Variants in CLIC6 observed in about 807,000 individuals in gnomAD.
CLIC6 encodes chloride intracellular channel protein 6.
A neutral mutation model predicts 49.2 loss-of-function variants in CLIC6; 39 were observed. The observed-to-expected ratio is 0.79, with a 90% CI of 0.61 to 1.04. The LOEUF (loss-of-function observed/expected upper bound fraction) is 1.04, where lower values mean the gene tolerates loss of function less well. Ranked by LOEUF, CLIC6 falls within the 50% of genes least tolerant of loss-of-function variation. CLIC6 has a pLI of 0.00. For synonymous variants in CLIC6, 446 were observed against 433.4 expected (o/e 1.03, Z -0.36); for missense variants, 988 against 993.1 (o/e 0.99, Z 0.07).
intron 1 of CLIC6, among the ~76,000 whole-genome samples, chr21:34,682,866 C>T (rs1001519068): frequency 1.8e-5 from 2 of 112,108 alleles, no homozygotes; most frequent in African/African-American, 3.4e-5. Context: ...GGTTGGAGTG[C>T]GGTGGCGCGA....
chr21:34,709,420 C>T lies in CLIC6; in HGVS notation c.1781C>T (p.Pro594Leu), dbSNP rs1294132052. ...GATAATTACTTAAATAGCCCTCTGC[C>T]TGATGAAATAGATGCCTACAGCACC... ...KLDNYLNSPL[P>L]DEIDAYSTED... Residue 594 changes from proline to leucine, a missense_variant, in exon 5 of 6, where the codon CCT (proline) becomes CTT (leucine). Transcript: ENST00000349499. 6.2e-7 allele frequency: 1 copy of T among 1,613,922 alleles called. No homozygotes were observed. The highest frequency in any genetic ancestry group is 1.3e-5 in the African/African-American group (1 of 74,912).
Position 34,670,633 on chromosome 21 carries a change from C to A in CLIC6, c.1245C>A (p.Asn415Lys). 1.3e-6 allele frequency: 2 copies of A among 1,553,212 alleles called. No homozygotes were observed. The highest frequency in any genetic ancestry group is 1.7e-6 in the Non-Finnish European group (2 of 1,150,908). ...GAAEPEAQLS[N>K]HLAEEGPAEG... is the part of the protein sequence containing the mutation. ...CGGAGCCTGAGGCCCAGCTCAGCAA[C>A]CACCTGGCCGAGGAGGGCCCCGCCG... Residue 415 changes from asparagine (N) to lysine (K), a missense_variant, in exon 1 of 6, where the codon AAC (asparagine) becomes AAA (lysine). Asn to Lys is a moderately conservative substitution (Grantham distance 94). Transcript: ENST00000349499.
chr21:34,700,088 C>A (rs1297121744), intron 1 of CLIC6, among the ~76,000 whole-genome samples: 2 of 152,090 alleles, frequency 1.3e-5, no homozygotes, highest in Non-Finnish European at 2.9e-5. Flanking sequence ...CATACCTGGC[C>A]CCCAGGTGGC....
chr21:34,670,847 G>C, intron 1 of CLIC6, 85 bp downstream of exon 1: 1 of 1,419,218 alleles, frequency 7.0e-7, no homozygotes, highest in Non-Finnish European at 9.4e-7. Context: ...GACGCGCAGG[G>C]AGGAACCCTT....
Position 34,693,091 on chromosome 21 carries a change from A to T in CLIC6, c.1375-14189A>T, listed in dbSNP as rs182397725. Among the ~76,000 whole-genome samples the T allele has an allele frequency of 3.3e-5, 5 of 152,314 alleles. No homozygotes were observed. In the East Asian group the frequency reaches 9.6e-4, roughly 29 times the overall value. The stretch of plus-strand genomic sequence containing the variant: ...ACCATCTAGCTGCTGACCTCAAATC[A>T]AGATGCATTTTTAAAAGCACACTGT... On this transcript the variant is annotated intron_variant, in intron 1 of 5. Transcript: ENST00000349499.
rs556815793 is a variant in CLIC6, at chr21:34,706,241, G to A, written c.1375-1039G>A. On this transcript the variant is annotated intron_variant, in intron 1 of 5. Coordinates refer to ENST00000349499, the MANE Select transcript of CLIC6 (RefSeq NM_053277.3). Reference sequence around the variant, plus strand: ...GCAGGCACGTCACATGGCCAGAGCAGGAGCAAGAGAGAGGGAAGTGCCACG... The same window carrying A: ...GCAGGCACGTCACATGGCCAGAGCAAGAGCAAGAGAGAGGGAAGTGCCACG... Among the ~76,000 whole-genome samples the A allele has an allele frequency of 3.9e-5, 6 of 152,292 alleles. No individual in the cohort carries two copies. The South Asian group carries it at 1.2e-3, about 32-fold the overall frequency.
chr21:34,694,819 A>G (rs1990063706), intron 1 of CLIC6, among the ~76,000 whole-genome samples: 1 of 152,234 alleles, frequency 6.6e-6, no homozygotes, highest in African/African-American at 2.4e-5. Context: ...CATGGCATCC[A>G]TGGCCATCAT....
intron 1 of CLIC6, among the ~76,000 whole-genome samples, chr21:34,700,230 G>A (rs1990161130): frequency 6.6e-6 from 1 of 151,548 alleles, no homozygotes; most frequent in Non-Finnish European, 1.5e-5. Context: ...GGCGGATCAC[G>A]AGGTCAGGAG....
chr21:34,693,589 C>T (rs909069343), intron 1 of CLIC6, among the ~76,000 whole-genome samples: 4 of 152,142 alleles, frequency 2.6e-5, no homozygotes, highest in Non-Finnish European at 5.9e-5. Context: ...AGATTTTTGG[C>T]TAGAGGGACC....
At position 34,689,891 on chromosome 21, in the gene CLIC6, C is replaced by T. The variant is rs533808337; in HGVS notation, c.1375-17389C>T. On this transcript the variant is annotated intron_variant, in intron 1 of 5. Coordinates refer to ENST00000349499, the MANE Select transcript of CLIC6 (RefSeq NM_053277.3). ...TCATTTTTGATTCACCCCAACACAGCGTGAAATTATGCTTCTTGCTCCACA... is the reference window on the plus strand; with the variant it reads ...TCATTTTTGATTCACCCCAACACAGTGTGAAATTATGCTTCTTGCTCCACA... 6.6e-5 allele frequency among the ~76,000 whole-genome samples: 10 copies of T among 152,280 alleles called. No homozygotes were observed. The East Asian group carries it at 9.6e-4, about 15-fold the overall frequency.
chr21:34,691,041 A>G (rs1237845788), intron 1 of CLIC6, among the ~76,000 whole-genome samples: 1 of 152,172 alleles, frequency 6.6e-6, no homozygotes, highest in Admixed American at 6.5e-5. Context: ...AGTCACTCAC[A>G]GTGGAAAATG....
chr21:34,703,856 C>T (rs569279931), intron 1 of CLIC6, among the ~76,000 whole-genome samples: 47 of 152,200 alleles, frequency 3.1e-4, no homozygotes, highest in Non-Finnish European at 5.6e-4. Flanking sequence ...TTGGAGGCAC[C>T]GTTTCTTTCT....
At chr21:34,678,275 C>CAAA (rs375990037) in intron 1 of CLIC6, among the ~76,000 whole-genome samples, 1 of 122,920 alleles carries the variant, frequency 8.1e-6, no homozygotes, top group Non-Finnish European at 1.7e-5. Context: ...ACTAAAAATA[C>CAAA]AAAAAAAAAA....
intron 1 of CLIC6, chr21:34,706,214 G>T (rs889373879): frequency 2.0e-6 from 1 of 511,846 alleles, no homozygotes. Context: ...GGCAAAGGGG[G>T]AGCAGGCACG....
At chr21:34,707,720 G>A (rs1048240781) in intron 2 of CLIC6, among the ~76,000 whole-genome samples, 5 of 152,124 alleles carry the variant, frequency 3.3e-5, no homozygotes, top group Non-Finnish European at 7.4e-5. Context: ...TTGTTGATAT[G>A]CCCCTTTGTG....
chr21:34,708,177 C>A (rs556876895), intron 3 of CLIC6, 108 bp downstream of exon 3: 1 of 1,308,876 alleles, frequency 7.6e-7, no homozygotes, highest in Non-Finnish European at 1.1e-6. Context: ...CTGCAGCCCA[C>A]GGTGCTCACT....
chr21:34,672,302 C>G (rs1433539966), intron 1 of CLIC6, among the ~76,000 whole-genome samples: 1 of 152,184 alleles, frequency 6.6e-6, no homozygotes, highest in Non-Finnish European at 1.5e-5. Flanking sequence ...TTATTTCTGC[C>G]TTCTTTCTTT....
intron 3 of CLIC6, 82 bp from the exon 4 acceptor site, chr21:34,708,618 A>G (rs756872063): frequency 4.3e-6 from 4 of 930,374 alleles, no homozygotes; most frequent in Admixed American, 2.2e-5. Flanking sequence ...ATGCCCAGAG[A>G]AAGCTGTTTT....
intron 5 of CLIC6, among the ~76,000 whole-genome samples, chr21:34,713,708 A>G (rs1050597319): frequency 4.6e-5 from 7 of 152,338 alleles, no homozygotes; most frequent in African/African-American, 1.7e-4. Context: ...AGAATGTTCA[A>G]TGGGGAAATT....
Sources: gnomAD v4.1 joint callset for allele counts (sites outside exome capture counted in the v4.1 genomes callset) on GRCh38, gnomAD v4.1.1 for gene constraint, MANE v1.5 for transcripts, NCBI Gene and HGNC (gene_info 2026-07-23, HGNC 2026-07-21) for gene names.